Variants in NTNG1 observed in about 807,000 individuals in gnomAD.
NTNG1 encodes the protein netrin-G1.
NTNG1 carries 16 observed loss-of-function variants against 54.0 expected under a neutral mutation model. The observed-to-expected ratio is 0.30, with a 90% CI of 0.20 to 0.45. The LOEUF (loss-of-function observed/expected upper bound fraction) is 0.45. NTNG1 is among the 20% of genes least tolerant of loss of function. The pLI, the probability that NTNG1 is intolerant of heterozygous loss-of-function variation, is 1.00. For missense variants in NTNG1, 530 were observed against 678.7 expected, an observed-to-expected ratio of 0.78 and a Z score of 2.43; for synonymous variants, 255 against 263.1, an observed-to-expected ratio of 0.97 and a Z score of 0.30.
chr1:107,424,082 A>G (rs1044156118), intron 5 of NTNG1, among the ~76,000 whole-genome samples: 30 of 152,158 alleles, frequency 2.0e-4, no homozygotes, highest in African/African-American at 6.5e-4. Flanking sequence ...ATTTTTGCAT[A>G]TACTTTTTGA....
At chr1:107,456,802 T>C (rs942334374) in intron 7 of NTNG1, among the ~76,000 whole-genome samples, 1 of 152,208 alleles carries the variant, frequency 6.6e-6, no homozygotes, top group African/African-American at 2.4e-5. Context: ...AGTCCCCAAG[T>C]TGGATGACAT....
intron 5 of NTNG1, among the ~76,000 whole-genome samples, chr1:107,422,312 T>C (rs915601368): frequency 2.0e-5 from 3 of 151,908 alleles, no homozygotes; most frequent in African/African-American, 7.3e-5. Flanking sequence ...ATCATAGGGA[T>C]GCCATATGGA....
At chr1:107,429,661 T>A (rs1194498905) in intron 5 of NTNG1, among the ~76,000 whole-genome samples, 1 of 152,266 alleles carries the variant, frequency 6.6e-6, no homozygotes, top group Admixed American at 6.5e-5. Context: ...ATTTGCAGTA[T>A]CCTGGCTGAC....
chr1:107,480,583 C>CCCCCCAAACAA, intron 7 of NTNG1, 28 bp from the exon 8 acceptor site: 2 of 744,748 alleles, frequency 2.7e-6, no homozygotes, highest in Non-Finnish European at 2.3e-6. Flanking sequence ...CGCGCCCACC[C>CCCCCCAAACAA]ACCCCTACCT....
At chr1:107,337,270 A>G (rs1205616246) in intron 3 of NTNG1, among the ~76,000 whole-genome samples, 1 of 152,044 alleles carries the variant, frequency 6.6e-6, no homozygotes, top group African/African-American at 2.4e-5. Context: ...GTGGAATTTT[A>G]TTTAGCCACA....
intron 2 of NTNG1, among the ~76,000 whole-genome samples, chr1:107,257,040 T>A (rs1445476173): frequency 5.3e-5 from 8 of 152,200 alleles, no homozygotes; most frequent in Admixed American, 5.2e-4. Context: ...GCTATTTTCC[T>A]TCCTCAACTA....
intron 7 of NTNG1, among the ~76,000 whole-genome samples, chr1:107,467,141 T>C (rs1677656826): frequency 6.6e-6 from 1 of 152,168 alleles, no homozygotes; most frequent in African/African-American, 2.4e-5. Context: ...TTTTTTTTAA[T>C]AAGAGCTCTT....
intron 2 of NTNG1, among the ~76,000 whole-genome samples, chr1:107,226,534 T>C (rs1660701253): frequency 1.3e-5 from 2 of 152,124 alleles, no homozygotes; most frequent in African/African-American, 2.4e-5. Flanking sequence ...CCAGCAGGCA[T>C]GCATATGGGA....
chr1:107,177,338 T>G (rs116317889), intron 2 of NTNG1, among the ~76,000 whole-genome samples: 5,580 of 149,222 alleles, frequency 0.037, 337 homozygotes, highest in African/African-American at 0.13. Flanking sequence ...AGAAGCAACT[T>G]TTTTTTTTTT....
intron 3 of NTNG1, among the ~76,000 whole-genome samples, chr1:107,357,425 T>A (rs1199957143): frequency 6.6e-6 from 1 of 152,206 alleles, no homozygotes; most frequent in African/African-American, 2.4e-5. Flanking sequence ...TTGTAATACC[T>A]CCTTGTCAAA....
At chr1:107,242,447 G>A (rs937182830) in intron 2 of NTNG1, among the ~76,000 whole-genome samples, 3 of 152,122 alleles carry the variant, frequency 2.0e-5, no homozygotes, top group Admixed American at 6.5e-5. Context: ...GGAATCTGTG[G>A]TAAGAGAAAG....
chr1:107,200,944 G>A (rs967474393), intron 2 of NTNG1, among the ~76,000 whole-genome samples: 2 of 151,680 alleles, frequency 1.3e-5, no homozygotes, highest in African/African-American at 4.8e-5. Context: ...CTTGAATTGT[G>A]TTTGCTTCTT....
At chr1:107,314,343 G>C (rs1002453913) in intron 2 of NTNG1, among the ~76,000 whole-genome samples, 1 of 152,112 alleles carries the variant, frequency 6.6e-6, no homozygotes, top group African/African-American at 2.4e-5. Context: ...AGGTTGCAGT[G>C]AGCCAAGATC....
chr1:107,202,461 A>G (rs1658828414), intron 2 of NTNG1, among the ~76,000 whole-genome samples: 1 of 151,874 alleles, frequency 6.6e-6, no homozygotes. Flanking sequence ...AGTGAATGCT[A>G]TTACTACCAC....
intron 7 of NTNG1, among the ~76,000 whole-genome samples, chr1:107,457,320 A>G (rs1353513593): frequency 2.0e-5 from 3 of 152,230 alleles, no homozygotes; most frequent in African/African-American, 7.2e-5. Flanking sequence ...AGCTTAAAAG[A>G]GCAGTACATA....
At chr1:107,255,669 A>G (rs1471504563) in intron 2 of NTNG1, among the ~76,000 whole-genome samples, 4 of 152,138 alleles carry the variant, frequency 2.6e-5, no homozygotes, top group African/African-American at 9.7e-5. Context: ...TCAACTTACC[A>G]CCCACATTCC....
intron 3 of NTNG1, among the ~76,000 whole-genome samples, chr1:107,394,922 C>T (rs978655065): frequency 2.0e-5 from 3 of 152,098 alleles, no homozygotes; most frequent in Admixed American, 6.5e-5. Context: ...GACTGCTATT[C>T]GGCTTTCTCA....
chr1:107,264,786 A>G (rs1663621854), intron 2 of NTNG1, among the ~76,000 whole-genome samples: 1 of 152,172 alleles, frequency 6.6e-6, no homozygotes, highest in Non-Finnish European at 1.5e-5. Context: ...ACTGAGGCAG[A>G]AGCTGAGTCC....
At chr1:107,314,050 G>C (rs1033944768) in intron 2 of NTNG1, among the ~76,000 whole-genome samples, 5 of 151,948 alleles carry the variant, frequency 3.3e-5, no homozygotes, top group African/African-American at 1.2e-4. Context: ...TAGTAAAGTC[G>C]ACGTTTTTCC....
Sources: gnomAD v4.1 joint callset for allele counts (sites outside exome capture counted in the v4.1 genomes callset) on GRCh38, gnomAD v4.1.1 for gene constraint, MANE v1.5 for transcripts, NCBI Gene and HGNC (gene_info 2026-07-23, HGNC 2026-07-21) for gene names.